Variants in PHEX observed in about 807,000 individuals in gnomAD.
PHEX encodes the protein phosphate regulating endopeptidase X-linked, also known as phosphate-regulating neutral endopeptidase PHEX.
A neutral mutation model predicts 68.0 loss-of-function variants in PHEX; 16 were observed. The ratio of observed to expected loss-of-function variants is 0.24; its 90% confidence interval spans 0.16 to 0.36. The LOEUF (loss-of-function observed/expected upper bound fraction) is 0.36, where lower values mean the gene tolerates loss of function less well. PHEX is among the 10% of genes least tolerant of loss of function. The pLI, the probability that PHEX is intolerant of heterozygous loss-of-function variation, is 1.00. For missense variants in PHEX, 480 were observed against 575.5 expected, an observed-to-expected ratio of 0.83 and a Z score of 1.70; for synonymous variants, 208 against 205.1, an observed-to-expected ratio of 1.01 and a Z score of -0.12.
rs530517177 is a variant in PHEX, at chrX:22,068,270, C to T, written c.350-8118C>T. On this transcript the variant is annotated intron_variant, in intron 3 of 21. Transcript: ENST00000379374. ...GTTCTAACCTCACCAGGCCTCCTAC[C>T]TCTGGTTAGGTGCCCCAGGAGTCTG... 4.6e-4 allele frequency among the ~76,000 whole-genome samples: 52 copies of T among 112,053 alleles called. No individual in the cohort carries two copies. The South Asian group carries it at 0.018, about 40-fold the overall frequency.
chrX:22,104,449 AG>A (rs1247398624), intron 9 of PHEX, among the ~76,000 whole-genome samples: 2 of 110,259 alleles, frequency 1.8e-5, no homozygotes, highest in African/African-American at 3.3e-5. Flanking sequence ...TGAGGTGGAA[AG>A]GGGGGTGGGG....
At chrX:22,095,438 G>A (rs1049298971) in intron 7 of PHEX, among the ~76,000 whole-genome samples, 2 of 112,339 alleles carry the variant, frequency 1.8e-5, no homozygotes, top group Non-Finnish European at 3.8e-5. Flanking sequence ...GGCAAGACTG[G>A]GAATTGTCAA....
chrX:22,032,463 A>G lies in PHEX; in HGVS notation c.-543A>G, dbSNP rs190284199. The G allele has an allele frequency of 1.4e-3, 164 of 120,336 alleles. No homozygotes were observed. Among genetic ancestry groups the G allele is most frequent in the Non-Finnish European group, 2.2e-3 (131 of 58,312 alleles). 9.9% of individuals were successfully genotyped at this position (120,336 alleles called of 1,213,427 possible). The stretch of plus-strand genomic sequence containing the variant: ...AAAAAGGGACTCACACACTGAAAGA[A>G]TATCTTTGATGAAGACAATTCAGGC... On this transcript the variant is annotated 5_prime_UTR_variant, in exon 1 of 22. Transcript: ENST00000379374.
intron 18 of PHEX, among the ~76,000 whole-genome samples, chrX:22,223,919 C>G (rs1257483531): frequency 1.8e-5 from 2 of 112,733 alleles, no homozygotes; most frequent in Non-Finnish European, 3.8e-5. Context: ...CAGTGACATG[C>G]GAGCAGTTTA....
At chrX:22,121,653 A>G (rs990058807) in intron 11 of PHEX, among the ~76,000 whole-genome samples, 2 of 112,391 alleles carry the variant, frequency 1.8e-5, no homozygotes, top group African/African-American at 6.5e-5. Flanking sequence ...GAGCAAATCT[A>G]TTACACTTCA....
chrX:22,114,434 A>AT (rs1931139461), intron 10 of PHEX, 24 bp from the exon 11 acceptor site: 1 of 1,197,695 alleles, frequency 8.3e-7, no homozygotes, highest in African/African-American at 1.8e-5. Flanking sequence ...ATGAAGTTTA[A>AT]TCTGGATCAA....
At chrX:22,178,732 T>G (rs1319709793) in intron 14 of PHEX, among the ~76,000 whole-genome samples, 2 of 112,309 alleles carry the variant, frequency 1.8e-5, no homozygotes, top group Non-Finnish European at 3.8e-5. Flanking sequence ...AAAGAATAAA[T>G]ACTTAAACTA....
chrX:22,233,140 T>A (rs1014633659), intron 20 of PHEX, among the ~76,000 whole-genome samples: 2 of 112,239 alleles, frequency 1.8e-5, no homozygotes, highest in Non-Finnish European at 1.9e-5. Context: ...CCTCACTCTC[T>A]CCTGGCTTGT....
chrX:22,209,959 AT>A (rs201640527), intron 15 of PHEX, among the ~76,000 whole-genome samples: 26 of 109,339 alleles, frequency 2.4e-4, no homozygotes, highest in Admixed American at 7.8e-4. Context: ...AAAAAAATAA[AT>A]AAATAAAAAT....
chrX:22,179,557 C>T (rs1417215853), intron 14 of PHEX, among the ~76,000 whole-genome samples: 2 of 110,181 alleles, frequency 1.8e-5, no homozygotes, highest in Non-Finnish European at 3.8e-5. Context: ...TTAGCTCCCT[C>T]TTATGAGTAA....
intron 15 of PHEX, among the ~76,000 whole-genome samples, chrX:22,207,195 C>T (rs972504020): frequency 1.8e-5 from 2 of 110,542 alleles, no homozygotes; most frequent in South Asian, 3.7e-4. Flanking sequence ...TGTGGCTTTC[C>T]CAGGTGCAGA....
intron 11 of PHEX, among the ~76,000 whole-genome samples, chrX:22,120,125 C>T (rs1931426051): frequency 8.9e-6 from 1 of 111,736 alleles, no homozygotes; most frequent in Non-Finnish European, 1.9e-5. Flanking sequence ...AACTAGCTGT[C>T]TGGTATTCTT....
At chrX:22,048,610 T>C (rs957284275) in intron 3 of PHEX, among the ~76,000 whole-genome samples, 2 of 111,991 alleles carry the variant, frequency 1.8e-5, no homozygotes, top group Non-Finnish European at 3.8e-5. Flanking sequence ...ATTCAGGACA[T>C]GAAGTGGTTA....
At chrX:22,092,455 C>G (rs1929932168) in intron 6 of PHEX, among the ~76,000 whole-genome samples, 1 of 111,287 alleles carries the variant, frequency 9.0e-6, no homozygotes, top group Non-Finnish European at 1.9e-5. Context: ...TCATTGCAAC[C>G]TCTGCCTCCT....
intron 21 of PHEX, among the ~76,000 whole-genome samples, chrX:22,245,966 A>G (rs1206252594): frequency 1.8e-5 from 2 of 111,703 alleles, no homozygotes; most frequent in Non-Finnish European, 3.8e-5. Context: ...GCAAACATGA[A>G]TGAATGGCCA....
chrX:22,149,395 T>C (rs895683521), intron 12 of PHEX, among the ~76,000 whole-genome samples: 1 of 112,630 alleles, frequency 8.9e-6, no homozygotes, highest in Admixed American at 9.3e-5. Flanking sequence ...GATGTTAAGC[T>C]ATAAAGCTAG....
At chrX:22,237,642 T>C (rs1465903734) in intron 20 of PHEX, among the ~76,000 whole-genome samples, 1 of 112,105 alleles carries the variant, frequency 8.9e-6, no homozygotes, top group South Asian at 3.8e-4. Flanking sequence ...AAATATAGTT[T>C]AAACGCTCTG....
chrX:22,176,647 A>C (rs963358991), intron 13 of PHEX, among the ~76,000 whole-genome samples: 3 of 109,954 alleles, frequency 2.7e-5, no homozygotes, highest in African/African-American at 9.9e-5. Context: ...CTCTGCATAT[A>C]AACACTACCT....
At chrX:22,067,631 G>A (rs1928667582) in intron 3 of PHEX, among the ~76,000 whole-genome samples, 1 of 110,906 alleles carries the variant, frequency 9.0e-6, no homozygotes, top group African/African-American at 3.3e-5. Context: ...ATGTTTCCAG[G>A]GATTGCAGGC....
Sources: allele counts gnomAD v4.1 joint callset (sites outside exome capture counted in the v4.1 genomes callset), GRCh38; gene constraint gnomAD v4.1.1; transcripts MANE v1.5; gene names NCBI Gene and HGNC (gene_info 2026-07-23, HGNC 2026-07-21).